ST18: variants seen among roughly 807,000 people sequenced by gnomAD.
The protein encoded by ST18 is suppression of tumorigenicity 18 protein.
In ST18, 50 loss-of-function variants were observed where a neutral mutation model predicts 110.0. That is an observed-to-expected ratio of 0.45 (90% CI 0.36 to 0.58). The LOEUF (loss-of-function observed/expected upper bound fraction) is 0.58. Ranked by LOEUF, ST18 falls within the 20% of genes least tolerant of loss-of-function variation. ST18 has a pLI of 0.00. For missense variants in ST18, 1,306 were observed against 1,280.1 expected (o/e 1.02, Z -0.31); for synonymous variants, 461 against 452.4 (o/e 1.02, Z -0.24).
rs547736377 is a variant in ST18, at chr8:52,312,803, C to T, written c.-464-82726G>A. ...GCTCTGCAGGGCTTTGCTGCCTTGG[C>T]CACCTGAGCTATAGACCCTATGATG... On this transcript the variant is annotated intron_variant, in intron 2 of 25. Transcript: ENST00000689386. Among the ~76,000 whole-genome samples, 3 of 152,204 alleles carry T rather than the reference C, an allele frequency of 2.0e-5. No homozygotes were observed. In the South Asian group the frequency reaches 6.2e-4, roughly 32 times the overall value.
At chr8:52,281,139 C>T (rs941421378) in intron 2 of ST18, among the ~76,000 whole-genome samples, 2 of 151,974 alleles carry the variant, frequency 1.3e-5, no homozygotes, top group African/African-American at 2.4e-5. Context: ...AAAAATATTA[C>T]GCATTAAAAC....
intron 2 of ST18, among the ~76,000 whole-genome samples, chr8:52,283,614 C>G (rs540286839): frequency 6.6e-6 from 1 of 152,032 alleles, no homozygotes; most frequent in Admixed American, 6.5e-5. Flanking sequence ...TGCTGAGAGG[C>G]CAAGTAGAGG....
intron 16 of ST18, among the ~76,000 whole-genome samples, chr8:52,148,728 T>TGGGAA (rs1221254201): frequency 1.5e-5 from 2 of 131,272 alleles, no homozygotes; most frequent in Admixed American, 7.7e-5. Flanking sequence ...AGGGGAGCGA[T>TGGGAA]GGGAAGGGAA....
intron 8 of ST18, among the ~76,000 whole-genome samples, chr8:52,198,116 C>G (rs1396670328): frequency 1.3e-5 from 2 of 152,122 alleles, no homozygotes; most frequent in Non-Finnish European, 2.9e-5. Flanking sequence ...TCGTGATTCT[C>G]CTGCCTCAGC....
At chr8:52,135,568 C>CAAAAAAAAAAAAAAAAA (rs71252929) in intron 19 of ST18, among the ~76,000 whole-genome samples, 14 of 56,114 alleles carry the variant, frequency 2.5e-4, no homozygotes, top group South Asian at 7.9e-4. Context: ...AACTCCATCT[C>CAAAAAAAAAAAAAAAAA]AAAAAAAAAA....
intron 2 of ST18, among the ~76,000 whole-genome samples, chr8:52,289,616 T>C (rs2095523384): frequency 6.6e-6 from 1 of 152,192 alleles, no homozygotes; most frequent in Admixed American, 6.5e-5. Flanking sequence ...GGCCTGCTAC[T>C]CTGGGCTCCT....
chr8:52,214,418 A>G, intron 6 of ST18, 161 bp from the exon 7 acceptor site: 1 of 623,760 alleles, frequency 1.6e-6, no homozygotes, highest in Non-Finnish European at 2.8e-6. Flanking sequence ...CTCCCCCCAC[A>G]TACCACCAGC....
At chr8:52,145,785 GA>G in intron 16 of ST18, among the ~76,000 whole-genome samples, 1 of 152,266 alleles carries the variant, frequency 6.6e-6, no homozygotes, top group African/African-American at 2.4e-5. Context: ...ATGGTAACAT[GA>G]ATAACAGATA....
intron 4 of ST18, among the ~76,000 whole-genome samples, chr8:52,221,141 A>G (rs1450412276): frequency 6.6e-6 from 1 of 151,364 alleles, no homozygotes; most frequent in East Asian, 1.9e-4. Context: ...CTATCTACCT[A>G]CCACTCTATT....
Position 52,113,201 on chromosome 8 carries a change from C to T in ST18, c.3141G>A (p.Val1047=). The change falls in exon 26 of 26, where the codon GTG becomes GTA. Residue 1047 remains valine, a synonymous_variant. Coordinates refer to ENST00000689386, the MANE Select transcript of ST18 (RefSeq NM_001352837.2). The part of the protein sequence containing the change: ...SIKQAVKGIH[V] ...GTTGCCCGGCAGCGCTGTGATCCTA[C>T]ACATGGATACCCTTCACTGCCTGTT... 1 of 1,613,878 alleles carries T rather than the reference C, an allele frequency of 6.2e-7. No individual in the cohort carries two copies. The highest frequency in any genetic ancestry group is 1.7e-4 in the Middle Eastern group (1 of 6,006).
chr8:52,305,799 C>A (rs570884065), intron 2 of ST18, among the ~76,000 whole-genome samples: 7 of 152,216 alleles, frequency 4.6e-5, no homozygotes, highest in African/African-American at 7.2e-5. Flanking sequence ...ATGGTGCAAG[C>A]ACTCAATCTG....
chr8:52,111,871 C>T lies in ST18; in HGVS notation c.*1327G>A, dbSNP rs1349592657. On this transcript the variant is annotated 3_prime_UTR_variant, in exon 26 of 26. Transcript: ENST00000689386. ...TTACAATCCCTGAAATAGACATTGC[C>T]TTTACTATAGAAACTATGAAACTCT... The T allele has an allele frequency of 1.3e-5, 2 of 152,446 alleles. No individual in the cohort carries two copies. Among genetic ancestry groups the T allele is most frequent in the Admixed American group, 1.3e-4 (2 of 15,260 alleles). The allele number at this position is 152,446 out of a possible 1,614,324, so 9.4% of individuals were successfully genotyped here.
intron 2 of ST18, among the ~76,000 whole-genome samples, chr8:52,321,814 G>A (rs1055034396): frequency 1.3e-5 from 2 of 152,228 alleles, no homozygotes; most frequent in African/African-American, 4.8e-5. Context: ...TACAGTGAAA[G>A]TAGGTCCTCA....
chr8:52,360,641 T>A (rs1825323719), intron 2 of ST18, among the ~76,000 whole-genome samples: 1 of 152,192 alleles, frequency 6.6e-6, no homozygotes, highest in Admixed American at 6.5e-5. Context: ...ATTGTAGGCA[T>A]TATTAAGTTT....
At chr8:52,400,820 G>A (rs888495802) in intron 2 of ST18, among the ~76,000 whole-genome samples, 3 of 152,014 alleles carry the variant, frequency 2.0e-5, no homozygotes, top group Non-Finnish European at 2.9e-5. Context: ...CCATTTTGAT[G>A]TTTAACCTTC....
intron 2 of ST18, among the ~76,000 whole-genome samples, chr8:52,252,696 G>A (rs373384541): frequency 1.3e-5 from 2 of 151,792 alleles, no homozygotes; most frequent in Non-Finnish European, 2.9e-5. Context: ...AGAGTGAATC[G>A]CTTTTATGTG....
intron 2 of ST18, among the ~76,000 whole-genome samples, chr8:52,250,957 T>A (rs1049871403): frequency 6.6e-6 from 1 of 152,190 alleles, no homozygotes; most frequent in African/African-American, 2.4e-5. Context: ...TAAACCCCCA[T>A]TATTTTTATG....
At chr8:52,137,344 G>C in intron 18 of ST18, 77 bp downstream of exon 18, 1 of 1,481,996 alleles carries the variant, frequency 6.7e-7, no homozygotes, top group Non-Finnish European at 9.3e-7. Flanking sequence ...ATAATACATG[G>C]ATAGAAAGGG....
intron 19 of ST18, among the ~76,000 whole-genome samples, chr8:52,133,768 G>C (rs1403346485): frequency 6.6e-6 from 1 of 151,410 alleles, no homozygotes; most frequent in Non-Finnish European, 1.5e-5. Flanking sequence ...GTCTCGCTCT[G>C]TGGCCAGGCT....
Sources: allele counts gnomAD v4.1 joint callset (sites outside exome capture counted in the v4.1 genomes callset), GRCh38; gene constraint gnomAD v4.1.1; transcripts MANE v1.5; gene names NCBI Gene and HGNC (gene_info 2026-07-23, HGNC 2026-07-21).